The following ST3GAL2 variants were observed in gnomAD, a reference collection of about 807,000 sequenced individuals.
The protein encoded by ST3GAL2 is CMP-N-acetylneuraminate-beta-galactosamide-alpha-2,3-sialyltransferase 2.
In ST3GAL2, 16 loss-of-function variants were observed where a neutral mutation model predicts 37.5. The ratio of observed to expected loss-of-function variants is 0.43; its 90% CI spans 0.29 to 0.65. The LOEUF (loss-of-function observed/expected upper bound fraction) is 0.65. Ranked by LOEUF, ST3GAL2 falls within the 30% of genes least tolerant of loss-of-function variation. The probability of loss-of-function intolerance (pLI) is 0.17; values close to 1 mark genes in which losing one functional copy is unlikely to be tolerated. For missense variants in ST3GAL2, 383 were observed against 487.8 expected, an observed-to-expected ratio of 0.79 and a Z score of 2.02; for synonymous variants, 238 against 202.9, an observed-to-expected ratio of 1.17 and a Z score of -1.47.
rs1447764866 is a variant in ST3GAL2 at position 70,380,690 on chromosome 16, T to G, written c.*999A>C. 1 of 152,356 alleles carries G rather than the reference T, an allele frequency of 6.6e-6. No individual in the cohort carries two copies. The highest frequency in any genetic ancestry group is 1.5e-5 in the Non-Finnish European group (1 of 68,154). The allele number at this position is 152,356 out of a possible 1,614,324, so 9.4% of individuals were successfully genotyped here. A position where few individuals can be genotyped will look rare whatever the true frequency, so the allele number is the denominator to read the frequency against. On this transcript the variant is annotated 3_prime_UTR_variant, in exon 7 of 7. Coordinates refer to ENST00000342907, the MANE Select transcript of ST3GAL2 (RefSeq NM_006927.4). Reference sequence around the variant, plus strand: ...TGCGGTTTGGCCACCCACGGCAGCTTCAGCTTAACCAAAGAATGAGCCCCA... The same window carrying G: ...TGCGGTTTGGCCACCCACGGCAGCTGCAGCTTAACCAAAGAATGAGCCCCA...
intron 1 of ST3GAL2, among the ~76,000 whole-genome samples, chr16:70,411,878 C>T (rs968065013): frequency 6.6e-6 from 1 of 151,830 alleles, no homozygotes; most frequent in South Asian, 2.1e-4. Flanking sequence ...TCTGTAATCC[C>T]AGCTACTCAG....
At chr16:70,425,584 A>G (rs2047744265) in intron 1 of ST3GAL2, among the ~76,000 whole-genome samples, 1 of 152,110 alleles carries the variant, frequency 6.6e-6, no homozygotes, top group Non-Finnish European at 1.5e-5. Context: ...ATTGAACGTT[A>G]GAATGTAAAA....
intron 6 of ST3GAL2, among the ~76,000 whole-genome samples, chr16:70,382,198 C>G (rs963538814): frequency 6.6e-6 from 1 of 152,008 alleles, no homozygotes; most frequent in Admixed American, 6.6e-5. Context: ...CATTTTTACA[C>G]GAAGTAGGCC....
rs2047373045 is a variant in ST3GAL2, at chr16:70,378,934, G to A, written c.*2755C>T. The stretch of plus-strand genomic sequence containing the variant: ...AATCGCTTGAACCCAGGAGGTGGAG[G>A]TTGGGATGAGCCGACATCGGGCCAT... On this transcript the variant is annotated 3_prime_UTR_variant, in exon 7 of 7. Coordinates refer to ENST00000342907, the MANE Select transcript of ST3GAL2 (RefSeq NM_006927.4). 1 of 151,488 alleles carries A rather than the reference G, an allele frequency of 6.6e-6. No individual in the cohort carries two copies. Among genetic ancestry groups the A allele is most frequent in the East Asian group, 1.9e-4 (1 of 5,136 alleles). 9.4% of individuals were successfully genotyped at this position (151,488 alleles called of 1,614,324 possible).
chr16:70,402,360 C>G (rs1292925200), intron 1 of ST3GAL2, among the ~76,000 whole-genome samples: 1 of 150,576 alleles, frequency 6.6e-6, no homozygotes, highest in Non-Finnish European at 1.5e-5. Flanking sequence ...TGAATGAACT[C>G]CGGTTTCAGA....
intron 1 of ST3GAL2, among the ~76,000 whole-genome samples, chr16:70,413,845 G>T (rs1321370034): frequency 6.6e-6 from 1 of 152,142 alleles, no homozygotes; most frequent in East Asian, 1.9e-4. Context: ...TCCAGCTGTG[G>T]ATTCAAGCAA....
intron 2 of ST3GAL2, among the ~76,000 whole-genome samples, chr16:70,397,977 T>C (rs2047528398): frequency 1.3e-5 from 2 of 152,232 alleles, no homozygotes; most frequent in Admixed American, 1.3e-4. Flanking sequence ...CCAGGAGGCA[T>C]TTCTGGCCTA....
Position 70,376,788 on chromosome 16 carries a change from G to C in ST3GAL2, c.*4901C>G, listed in dbSNP as rs1248708407. On this transcript the variant is annotated 3_prime_UTR_variant, in exon 7 of 7. Transcript: ENST00000342907. ...GACGGAGTCTTACTCTGTCGCTCAGGCTGGAGTGCAGTGGCTCAATCTCGG... is the reference window on the plus strand; with the variant it reads ...GACGGAGTCTTACTCTGTCGCTCAGCCTGGAGTGCAGTGGCTCAATCTCGG... The C allele has an allele frequency of 6.6e-6, 1 of 151,802 alleles. No homozygotes were observed. Among genetic ancestry groups the C allele is most frequent in the African/African-American group, 2.4e-5 (1 of 41,294 alleles). 9.4% of individuals were successfully genotyped at this position (151,802 alleles called of 1,614,324 possible). A position where few individuals can be genotyped will look rare whatever the true frequency, so the allele number is the denominator to read the frequency against.
At chr16:70,424,611 A>G (rs1413755186) in intron 1 of ST3GAL2, among the ~76,000 whole-genome samples, 1 of 151,030 alleles carries the variant, frequency 6.6e-6, no homozygotes, top group African/African-American at 2.5e-5. Context: ...CAAAAAAATT[A>G]AATAAATAAA....
chr16:70,408,139 G>C (rs1342459473), intron 1 of ST3GAL2, among the ~76,000 whole-genome samples: 1 of 152,160 alleles, frequency 6.6e-6, no homozygotes, highest in Non-Finnish European at 1.5e-5. Context: ...CTCTCATTTA[G>C]TATGCGCAGG....
chr16:70,430,705 C>T (rs1039774479), intron 1 of ST3GAL2, among the ~76,000 whole-genome samples: 1 of 152,142 alleles, frequency 6.6e-6, no homozygotes, highest in Non-Finnish European at 1.5e-5. Flanking sequence ...GAGAGAGGGC[C>T]AGGCCCCAGA....
intron 4 of ST3GAL2, among the ~76,000 whole-genome samples, chr16:70,384,992 G>C (rs1372163183): frequency 6.7e-6 from 1 of 149,682 alleles, no homozygotes; most frequent in Non-Finnish European, 1.5e-5. Context: ...CTGGGCAACA[G>C]AGCAAGACTC....
intron 1 of ST3GAL2, among the ~76,000 whole-genome samples, chr16:70,438,663 C>CTGGGGT (rs1198122294): frequency 1.5e-5 from 2 of 131,208 alleles, no homozygotes; most frequent in African/African-American, 5.4e-5. Flanking sequence ...GGGGCTGGGG[C>CTGGGGT]TGGGGTTGGG....
At chr16:70,430,732 G>A (rs1032997985) in intron 1 of ST3GAL2, among the ~76,000 whole-genome samples, 1 of 152,144 alleles carries the variant, frequency 6.6e-6, no homozygotes, top group Non-Finnish European at 1.5e-5. Context: ...CTTGTGGTCT[G>A]GCAACCCGAA....
rs1299911861 is a variant in ST3GAL2 at position 70,376,570 on chromosome 16, T to G, written c.*5119A>C. On this transcript the variant is annotated 3_prime_UTR_variant, in exon 7 of 7. Transcript: ENST00000342907. The stretch of plus-strand genomic sequence containing the variant: ...CCAGGCATAGACTTGCTGCAGGAGC[T>G]GTGATTTTTTTCACAAAAGTAGTGA... 6.6e-6 allele frequency: 1 copy of G among 152,182 alleles called. No individual in the cohort carries two copies. Among genetic ancestry groups the G allele is most frequent in the Non-Finnish European group, 1.5e-5 (1 of 68,024 alleles). 9.4% of individuals were successfully genotyped at this position (152,182 alleles called of 1,614,324 possible).
intron 1 of ST3GAL2, among the ~76,000 whole-genome samples, chr16:70,434,184 G>C (rs111971902): frequency 1.3e-5 from 2 of 152,116 alleles, no homozygotes; most frequent in African/African-American, 4.8e-5. Flanking sequence ...CACACCTATA[G>C]TCCCAGCAGT....
At chr16:70,406,169 C>T (rs1356519361) in intron 1 of ST3GAL2, among the ~76,000 whole-genome samples, 1 of 151,970 alleles carries the variant, frequency 6.6e-6, no homozygotes, top group African/African-American at 2.4e-5. Context: ...TGGTGCTGGG[C>T]GTGGTGGCTC....
intron 1 of ST3GAL2, among the ~76,000 whole-genome samples, chr16:70,428,467 C>T (rs1372453339): frequency 6.6e-6 from 1 of 152,230 alleles, no homozygotes; most frequent in South Asian, 2.1e-4. Flanking sequence ...TTAACAACCC[C>T]TCCCCCGCTT....
intron 3 of ST3GAL2, 107 bp downstream of exon 3, chr16:70,394,875 G>A (rs1321601311): frequency 3.0e-6 from 4 of 1,317,862 alleles, no homozygotes; most frequent in Non-Finnish European, 4.2e-6. Context: ...GGGCCCCACA[G>A]CACACCGGTA....
Sources: allele counts gnomAD v4.1 joint callset (sites outside exome capture counted in the v4.1 genomes callset), GRCh38; gene constraint gnomAD v4.1.1; transcripts MANE v1.5; gene names NCBI Gene and HGNC (gene_info 2026-07-23, HGNC 2026-07-21).